Variants in CDC37L1 observed in about 807,000 individuals in gnomAD.
The protein encoded by CDC37L1 is hsp90 co-chaperone Cdc37-like 1.
CDC37L1 carries 32 observed loss-of-function variants against 45.9 expected under a neutral mutation model. That is an observed-to-expected ratio of 0.70 (90% CI 0.53 to 0.94). The LOEUF (loss-of-function observed/expected upper bound fraction) is 0.94, where lower values mean the gene tolerates loss of function less well. Among genes scored for constraint, CDC37L1 ranks in the 40% least tolerant of loss-of-function variants. The pLI, the probability that CDC37L1 is intolerant of heterozygous loss-of-function variation, is 0.00. For synonymous variants in CDC37L1, 150 were observed against 133.0 expected (o/e 1.13, Z -0.88); for missense variants, 434 against 405.7 (o/e 1.07, Z -0.60).
intron 5 of CDC37L1, among the ~76,000 whole-genome samples, chr9:4,700,231 C>G (rs556830314): frequency 6.6e-6 from 1 of 152,196 alleles, no homozygotes; most frequent in Non-Finnish European, 1.5e-5. Flanking sequence ...TCATTGCTCA[C>G]TGCAGCCTTG....
At chr9:4,686,289 A>T (rs377725518) in intron 2 of CDC37L1, among the ~76,000 whole-genome samples, 4 of 152,216 alleles carry the variant, frequency 2.6e-5, no homozygotes, top group African/African-American at 9.6e-5. Flanking sequence ...AGATAAGTGT[A>T]CATCGCCACT....
chr9:4,694,631 G>C (rs771176536), intron 3 of CDC37L1, among the ~76,000 whole-genome samples: 27 of 152,142 alleles, frequency 1.8e-4, no homozygotes, highest in Non-Finnish European at 2.9e-4. Flanking sequence ...CCAGCACTTT[G>C]GGAGGCCGAG....
intron 3 of CDC37L1, among the ~76,000 whole-genome samples, chr9:4,692,522 G>A (rs1315109422): frequency 2.6e-5 from 4 of 151,942 alleles, no homozygotes; most frequent in Admixed American, 1.3e-4. Context: ...CGCCCGCCTC[G>A]GCCTCTCAAA....
intron 6 of CDC37L1, chr9:4,703,077 C>A (rs542120059): frequency 2.9e-5 from 44 of 1,542,080 alleles, no homozygotes; most frequent in Middle Eastern, 3.4e-4. Context: ...AGTCATCTCT[C>A]ATTTCCAGGC....
chr9:4,704,064 A>G (rs1841422674), intron 6 of CDC37L1, among the ~76,000 whole-genome samples: 1 of 152,222 alleles, frequency 6.6e-6, no homozygotes, highest in African/African-American at 2.4e-5. Flanking sequence ...AAGTAAAATG[A>G]GAGGCCACCT....
chr9:4,701,508 G>A (rs956184128), intron 5 of CDC37L1, among the ~76,000 whole-genome samples: 3 of 152,182 alleles, frequency 2.0e-5, no homozygotes, highest in African/African-American at 7.2e-5. Flanking sequence ...GAAGAAGATA[G>A]AATGAATTGG....
intron 5 of CDC37L1, among the ~76,000 whole-genome samples, chr9:4,700,874 A>G (rs759537913): frequency 2.0e-5 from 3 of 152,204 alleles, no homozygotes; most frequent in Non-Finnish European, 4.4e-5. Flanking sequence ...AAATCCCTAA[A>G]CCTTAAGCAT....
At chr9:4,704,007 T>G (rs1841422164) in intron 6 of CDC37L1, among the ~76,000 whole-genome samples, 1 of 152,182 alleles carries the variant, frequency 6.6e-6, no homozygotes. Flanking sequence ...AAAATTTCAG[T>G]TAGATGCTTG....
At chr9:4,688,955 A>T (rs1360980297) in intron 3 of CDC37L1, among the ~76,000 whole-genome samples, 2 of 152,010 alleles carry the variant, frequency 1.3e-5, no homozygotes, top group Non-Finnish European at 2.9e-5. Context: ...CTTATGTTTT[A>T]AAGATTATTC....
Position 4,706,028 on chromosome 9 carries a change from G to T in CDC37L1, c.930G>T (p.Gln310His). ...TTCCCCAGAATCCAGATTATCTTCA[G>T]TATTCTATCAGTACAGCTCTCTGCA... The part of the protein sequence containing the change: ...ESLPQNPDYL[Q>H]YSISTALCSL... The change falls in exon 7 of 7, where the codon CAG (glutamine) becomes CAT (histidine). Residue 310 changes from glutamine to histidine, a missense_variant. Coordinates refer to ENST00000381854, the MANE Select transcript of CDC37L1 (RefSeq NM_017913.4). 2 of 1,580,054 alleles carry T rather than the reference G, an allele frequency of 1.3e-6. No homozygotes were observed. The highest frequency in any genetic ancestry group is 1.7e-5 in the Admixed American group (1 of 59,188).
intron 6 of CDC37L1, 118 bp from the exon 7 acceptor site, chr9:4,705,893 C>G (rs1841436744): frequency 2.2e-6 from 1 of 448,982 alleles, no homozygotes; most frequent in Non-Finnish European, 4.1e-6. Flanking sequence ...TTTCCTACTG[C>G]TCTACTACAC....
chr9:4,693,794 G>A (rs1167531719), intron 3 of CDC37L1, among the ~76,000 whole-genome samples: 2 of 152,190 alleles, frequency 1.3e-5, no homozygotes, highest in Non-Finnish European at 2.9e-5. Context: ...CTCAGGCACT[G>A]TTCTAAGTGC....
intron 3 of CDC37L1, among the ~76,000 whole-genome samples, chr9:4,689,105 G>C (rs990336853): frequency 1.3e-5 from 2 of 152,108 alleles, no homozygotes; most frequent in African/African-American, 4.8e-5. Flanking sequence ...AGGGTAAGAG[G>C]GGGGTTGATA....
chr9:4,698,137 C>G (rs1439682768), intron 5 of CDC37L1, among the ~76,000 whole-genome samples: 1 of 152,120 alleles, frequency 6.6e-6, no homozygotes, highest in African/African-American at 2.4e-5. Context: ...AACTTACGTT[C>G]CATCATTAAT....
intron 3 of CDC37L1, among the ~76,000 whole-genome samples, chr9:4,694,513 A>T (rs936046225): frequency 6.0e-5 from 9 of 150,724 alleles, no homozygotes; most frequent in South Asian, 2.1e-4. Context: ...TCTCAGATTT[A>T]AAAAAAAAAT....
rs934693301 is a variant in CDC37L1 at position 4,700,881 on chromosome 9, G to C, written c.748-983G>C. Among the ~76,000 whole-genome samples, 8 of 152,122 alleles carry C rather than the reference G, an allele frequency of 5.3e-5. 1 individual carries two copies. The highest frequency in any genetic ancestry group is 2.0e-4 in the Admixed American group (3 of 15,262). Reference sequence around the variant, plus strand: ...CTATATCTAAATCCCTAAACCTTAAGCATGCAATGAGGACAGCAATTGTGC... The same window carrying C: ...CTATATCTAAATCCCTAAACCTTAACCATGCAATGAGGACAGCAATTGTGC... On this transcript the variant is annotated intron_variant, in intron 5 of 6. Transcript: ENST00000381854.
chr9:4,685,279 T>G (rs938587820), intron 2 of CDC37L1, 121 bp downstream of exon 2: 18 of 799,388 alleles, frequency 2.3e-5, no homozygotes, highest in Non-Finnish European at 3.4e-5. Context: ...TTTGACAGTT[T>G]ATGAAAGGTG....
At chr9:4,697,358 G>A (rs769182902) in intron 4 of CDC37L1, 147 bp downstream of exon 4, 11 of 607,596 alleles carry the variant, frequency 1.8e-5, no homozygotes, top group African/African-American at 1.7e-4. Context: ...TTTGCTTCCA[G>A]ATCTACTTGA....
chr9:4,705,379 T>C (rs1841432870), intron 6 of CDC37L1, among the ~76,000 whole-genome samples: 1 of 152,186 alleles, frequency 6.6e-6, no homozygotes, highest in Admixed American at 6.5e-5. Flanking sequence ...TAAGATTTTA[T>C]GTTTTCTATT....
Sources: gnomAD v4.1 joint callset for allele counts (sites outside exome capture counted in the v4.1 genomes callset) on GRCh38, gnomAD v4.1.1 for gene constraint, MANE v1.5 for transcripts, NCBI Gene and HGNC (gene_info 2026-07-23, HGNC 2026-07-21) for gene names.